Variants in KLF3 observed in about 807,000 individuals in gnomAD.
KLF3 encodes the protein Krueppel-like factor 3.
A neutral mutation model predicts 32.7 loss-of-function variants in KLF3; 6 were observed. The ratio of observed to expected loss-of-function variants is 0.18; its 90% CI spans 0.10 to 0.36. The LOEUF (loss-of-function observed/expected upper bound fraction) is 0.36, where lower values mean the gene tolerates loss of function less well. KLF3 is among the 10% of genes least tolerant of loss of function. The pLI is 1.00. For missense variants in KLF3, 338 were observed against 449.7 expected (o/e 0.75, Z 2.25); for synonymous variants, 145 against 172.8 (o/e 0.84, Z 1.26).
At chr4:38,675,620 C>A (rs1010391081) in intron 1 of KLF3, among the ~76,000 whole-genome samples, 1 of 152,088 alleles carries the variant, frequency 6.6e-6, no homozygotes, top group Non-Finnish European at 1.5e-5. Context: ...AATTCCTGAG[C>A]CTGGTTAAAA....
chr4:38,686,792 C>T lies in KLF3; in HGVS notation c.58-1793C>T, dbSNP rs549446915. 1.2e-3 allele frequency among the ~76,000 whole-genome samples: 177 copies of T among 152,310 alleles called. 1 individual carries two copies. The highest frequency in any genetic ancestry group is 4.0e-3 in the African/African-American group (165 of 41,564). ...GATCTTAACCATGAGGACCTGACAT[C>T]CAAACCAGATAAAGATAAACACAGT... On this transcript the variant is annotated intron_variant, in intron 2 of 5. Coordinates refer to ENST00000261438, the MANE Select transcript of KLF3 (RefSeq NM_016531.6).
At chr4:38,665,662 T>A (rs892570242) in intron 1 of KLF3, among the ~76,000 whole-genome samples, 14 of 152,254 alleles carry the variant, frequency 9.2e-5, no homozygotes, top group African/African-American at 3.1e-4. Context: ...ATTGATTATA[T>A]TCTCACAAGA....
At chr4:38,689,445 C>G (rs1408017223) in intron 3 of KLF3, among the ~76,000 whole-genome samples, 1 of 152,172 alleles carries the variant, frequency 6.6e-6, no homozygotes, top group Non-Finnish European at 1.5e-5. Flanking sequence ...TGTTTATCAG[C>G]TGGTCATAGA....
At chr4:38,668,814 A>G (rs556035369) in intron 1 of KLF3, among the ~76,000 whole-genome samples, 1 of 152,298 alleles carries the variant, frequency 6.6e-6, no homozygotes, top group East Asian at 1.9e-4. Flanking sequence ...GTTAATAGAG[A>G]TAATTAGGGT....
intron 2 of KLF3, among the ~76,000 whole-genome samples, chr4:38,684,908 C>T (rs752843560): frequency 6.6e-6 from 1 of 152,128 alleles, no homozygotes; most frequent in Non-Finnish European, 1.5e-5. Context: ...GAGGCAGAAG[C>T]GGGAAAGACC....
At chr4:38,668,831 T>C (rs1261018898) in intron 1 of KLF3, among the ~76,000 whole-genome samples, 4 of 152,230 alleles carry the variant, frequency 2.6e-5, no homozygotes, top group Admixed American at 2.6e-4. Context: ...GGGTCTAATA[T>C]ATTCTATCAG....
chr4:38,684,292 A>G (rs529942755), intron 2 of KLF3, among the ~76,000 whole-genome samples: 3 of 152,300 alleles, frequency 2.0e-5, no homozygotes, highest in Non-Finnish European at 4.4e-5. Context: ...AATAATTAGT[A>G]TATTATTCTT....
chr4:38,674,640 C>G lies in KLF3; in HGVS notation c.-39-5947C>G, dbSNP rs1199307712. On this transcript the variant is annotated intron_variant, in intron 1 of 5. Coordinates refer to ENST00000261438, the MANE Select transcript of KLF3 (RefSeq NM_016531.6). The surrounding 1 kb of genome is among the most constrained non-coding windows in gnomAD (Gnocchi z 4.1). ...TGGAGGAAGGCAGGTGATTTGGAGCCTCGGGGTCAGTCCTGGGTTGGGGAA... is the reference window on the plus strand; with the variant it reads ...TGGAGGAAGGCAGGTGATTTGGAGCGTCGGGGTCAGTCCTGGGTTGGGGAA... 6.6e-6 allele frequency among the ~76,000 whole-genome samples: 1 copy of G among 151,958 alleles called. No homozygotes were observed. The highest frequency in any genetic ancestry group is 2.4e-5 in the African/African-American group (1 of 41,354).
In KLF3 at chr4:38,688,680, A is replaced by G. The variant is rs764142693; in HGVS notation, c.153A>G (p.Glu51=). ...CTGAGAAGTTCTTTCAGACCCCAGA[A>G]GGTCTGTCGCACGGAATACAGATGG... ...PLPEKFFQTP[E]GLSHGIQMEP... Residue 51 remains glutamate, a synonymous_variant, in exon 3 of 6, where the codon GAA becomes GAG. Coordinates refer to ENST00000261438, the MANE Select transcript of KLF3 (RefSeq NM_016531.6). This position sits in a 1 kb window ranked among gnomAD's most constrained non-coding sequence, Gnocchi z 4.9. The G allele has an allele frequency of 3.1e-6, 5 of 1,614,152 alleles. No homozygotes were observed. In the South Asian group the frequency reaches 4.4e-5, roughly 14 times the overall value.
Position 38,700,557 on chromosome 4 carries a change from C to T in KLF3, c.*3294C>T, listed in dbSNP as rs1389177941. On this transcript the variant is annotated 3_prime_UTR_variant, in exon 6 of 6. Transcript: ENST00000261438. Reference sequence around the variant, plus strand: ...TCACCTAAACAATACATTTACAAAGCCATCTTTACATGCATTAAACGAGGG... The same window carrying T: ...TCACCTAAACAATACATTTACAAAGTCATCTTTACATGCATTAAACGAGGG... The T allele has an allele frequency of 1.3e-5, 2 of 152,152 alleles. No individual in the cohort carries two copies. Among genetic ancestry groups the T allele is most frequent in the Non-Finnish European group, 2.9e-5 (2 of 68,030 alleles). The allele number at this position is 152,152 out of a possible 1,614,324, so 9.4% of individuals were successfully genotyped here. A position where few individuals can be genotyped will look rare whatever the true frequency, so the allele number is the denominator to read the frequency against.
At chr4:38,666,544 A>G (rs1722049174) in intron 1 of KLF3, among the ~76,000 whole-genome samples, 1 of 152,258 alleles carries the variant, frequency 6.6e-6, no homozygotes, top group Non-Finnish European at 1.5e-5. Flanking sequence ...AATAACCCAA[A>G]GGGAAAATAG....
At chr4:38,689,919 G>A (rs1412050836) in intron 4 of KLF3, 40 bp downstream of exon 4, 20 of 1,567,024 alleles carry the variant, frequency 1.3e-5, no homozygotes, top group Admixed American at 2.0e-5. Context: ...GCATAGTAGT[G>A]TGCATCTTGG....
At chr4:38,694,308 C>A (rs1207173084) in intron 4 of KLF3, among the ~76,000 whole-genome samples, 2 of 152,068 alleles carry the variant, frequency 1.3e-5, no homozygotes, top group Non-Finnish European at 2.9e-5. Context: ...ATCAGAGCAG[C>A]CTGTGAAAAA....
intron 1 of KLF3, among the ~76,000 whole-genome samples, chr4:38,673,218 C>T (rs1284734088): frequency 1.3e-5 from 2 of 152,154 alleles, no homozygotes; most frequent in African/African-American, 2.4e-5. Context: ...CTGTTCAGGC[C>T]GGAATTTCCA....
chr4:38,693,076 A>G (rs141296121), intron 4 of KLF3, among the ~76,000 whole-genome samples: 154 of 139,364 alleles, frequency 1.1e-3, no homozygotes, highest in African/African-American at 3.7e-3. Flanking sequence ...GTATATATAT[A>G]CACATATATA....
rs971320775 is a variant in KLF3, at chr4:38,680,444, C to T, written c.-39-143C>T. 47 of 438,180 alleles carry T rather than the reference C, an allele frequency of 1.1e-4. 1 individual carries two copies. Among genetic ancestry groups the T allele is most frequent in the Middle Eastern group, 1.4e-3 (2 of 1,392 alleles). 27.1% of individuals were successfully genotyped at this position (438,180 alleles called of 1,614,324 possible). A position where few individuals can be genotyped will look rare whatever the true frequency, so the allele number is the denominator to read the frequency against. ...GGCCAGGCTGGTCTTGAACTCCTGACCTCAGGCGATCCGTCTGCCTCAGCC... is the reference window on the plus strand; with the variant it reads ...GGCCAGGCTGGTCTTGAACTCCTGATCTCAGGCGATCCGTCTGCCTCAGCC... On this transcript the variant is annotated intron_variant, in intron 1 of 5. Coordinates refer to ENST00000261438, the MANE Select transcript of KLF3 (RefSeq NM_016531.6).
At position 38,689,735 on chromosome 4, in the gene KLF3, T is replaced by A. The variant is rs1322097109; in HGVS notation, c.551T>A (p.Val184Glu). The change falls in exon 4 of 6, where the codon GTA becomes GAA. Residue 184 changes from valine to glutamate, a missense_variant. Around this residue, in one of 2 missense-constraint regions of KLF3, gnomAD observed 272 missense variants for 313.4 expected, o/e 0.87. Transcript: ENST00000261438. Reference sequence around the variant, plus strand: ...TTCTATTTTTATTTTTTAGTACCTGTAATTGAATCATATGAGAAGCCTATA... The same window carrying A: ...TTCTATTTTTATTTTTTAGTACCTGAAATTGAATCATATGAGAAGCCTATA... The part of the protein sequence containing the change: ...ENSSSSMQVP[V>E]IESYEKPISQ... 7 of 1,579,544 alleles carry A rather than the reference T, an allele frequency of 4.4e-6. 1 individual carries two copies. The South Asian group carries it at 8.2e-5, about 18-fold the overall frequency.
chr4:38,683,493 T>C (rs1471310580), intron 2 of KLF3, among the ~76,000 whole-genome samples: 1 of 152,038 alleles, frequency 6.6e-6, no homozygotes, highest in African/African-American at 2.4e-5. Flanking sequence ...CCTCCCCAAG[T>C]CTGTGCCTTC....
At position 38,667,443 on chromosome 4, in the gene KLF3, T is replaced by C. The variant is rs1560412131; in HGVS notation, c.-40+2982T>C. On this transcript the variant is annotated intron_variant, in intron 1 of 5. Coordinates refer to ENST00000261438, the MANE Select transcript of KLF3 (RefSeq NM_016531.6). ...ATGTCTCTACACACTTGATATTGCT[T>C]AAGACGCCTGTGTTATGTCATAATG... is the stretch of plus-strand genomic sequence containing the variant. 2.6e-5 allele frequency among the ~76,000 whole-genome samples: 4 copies of C among 152,340 alleles called. No individual in the cohort carries two copies. The South Asian group carries it at 8.3e-4, about 32-fold the overall frequency.
Sources: gnomAD v4.1 joint callset for allele counts (sites outside exome capture counted in the v4.1 genomes callset) on GRCh38, gnomAD v4.1.1 for gene constraint, gnomAD v4.1.1 regional missense constraint, Gnocchi (gnomAD v3.1) non-coding constraint, MANE v1.5 for transcripts, NCBI Gene and HGNC (gene_info 2026-07-23, HGNC 2026-07-21) for gene names.